The following ASTN2 variants were observed in gnomAD, a reference collection of about 807,000 sequenced individuals.
ASTN2 encodes astrotactin-2.
Under a neutral mutation model 139.8 loss-of-function variants are expected in ASTN2, and 54 were observed. The ratio of observed to expected loss-of-function variants is 0.39; its 90% confidence interval spans 0.31 to 0.48. The LOEUF is 0.48. Among genes scored for constraint, ASTN2 ranks in the 20% least tolerant of loss-of-function variants. The pLI, the probability that ASTN2 is intolerant of heterozygous loss-of-function variation, is 0.95. For missense variants in ASTN2, 1,565 were observed against 1,725.1 expected (o/e 0.91, Z 1.64); for synonymous variants, 756 against 719.5 (o/e 1.05, Z -0.81).
chr9:116,551,905 G>C (rs1245059415), intron 19 of ASTN2, among the ~76,000 whole-genome samples: 2 of 152,196 alleles, frequency 1.3e-5, no homozygotes, highest in African/African-American at 2.4e-5. Flanking sequence ...AATTGTAGGG[G>C]AGGTAGAGAA....
At chr9:117,344,523 C>A (rs1187502133) in intron 1 of ASTN2, among the ~76,000 whole-genome samples, 1 of 152,142 alleles carries the variant, frequency 6.6e-6, no homozygotes, top group African/African-American at 2.4e-5. Flanking sequence ...GACAGCAGTG[C>A]CCAGGGTTGC....
chr9:117,244,811 G>A (rs2133080263), intron 2 of ASTN2, among the ~76,000 whole-genome samples: 1 of 151,890 alleles, frequency 6.6e-6, no homozygotes, highest in East Asian at 1.9e-4. Flanking sequence ...AGGGAGGGAG[G>A]AAGGAAAGAT....
intron 3 of ASTN2, among the ~76,000 whole-genome samples, chr9:117,187,135 A>G (rs1831220180): frequency 6.6e-6 from 1 of 152,234 alleles, no homozygotes; most frequent in South Asian, 2.1e-4. Flanking sequence ...TCTCAGAAAA[A>G]GAAAGAAAAA....
Position 116,436,499 on chromosome 9 carries a change from G to C in ASTN2, c.3782+4110C>G, listed in dbSNP as rs10983156. On this transcript the variant is annotated intron_variant, in intron 22 of 22. Coordinates refer to ENST00000313400, the MANE Select transcript of ASTN2 (RefSeq NM_001365068.1). Reference sequence around the variant, plus strand: ...ACTTACAAATGTGAATACGACATAAGGGATCACTAACTATACATAGTTTAC... The same window carrying C: ...ACTTACAAATGTGAATACGACATAACGGATCACTAACTATACATAGTTTAC... 0.013 allele frequency among the ~76,000 whole-genome samples: 1,973 copies of C among 152,210 alleles called. 183 individuals are homozygous for C. In the South Asian group the frequency reaches 0.21, roughly 16 times the overall value.
intron 16 of ASTN2, 121 bp downstream of exon 16, chr9:116,725,650 G>A: frequency 1.0e-6 from 1 of 995,236 alleles, no homozygotes. Context: ...CTTGCCCATG[G>A]TCACACAGCT....
chr9:116,600,318 T>C (rs1369616321), intron 19 of ASTN2, among the ~76,000 whole-genome samples: 3 of 94,376 alleles, frequency 3.2e-5, no homozygotes, highest in Non-Finnish European at 6.1e-5. Flanking sequence ...AATGAGACCC[T>C]GTCTCAAAAA....
intron 19 of ASTN2, among the ~76,000 whole-genome samples, chr9:116,550,790 G>A (rs1001568236): frequency 2.0e-5 from 3 of 152,180 alleles, no homozygotes; most frequent in African/African-American, 7.2e-5. Context: ...GGTGGGTTGG[G>A]ACAAGGTAAA....
chr9:116,656,660 C>T (rs1858230077), intron 16 of ASTN2, among the ~76,000 whole-genome samples: 1 of 136,874 alleles, frequency 7.3e-6, no homozygotes, highest in Admixed American at 7.9e-5. Context: ...CAAATTCCTG[C>T]TGGGTATTAT....
At chr9:116,855,118 GAAATA>G (rs780712733) in intron 11 of ASTN2, among the ~76,000 whole-genome samples, 1 of 151,878 alleles carries the variant, frequency 6.6e-6, no homozygotes, top group South Asian at 2.1e-4. Context: ...AAGTCCCAAC[GAAATA>G]AAATAAGGGG....
chr9:117,402,602 C>T (rs985656570), intron 1 of ASTN2, among the ~76,000 whole-genome samples: 19 of 152,066 alleles, frequency 1.2e-4, no homozygotes, highest in African/African-American at 3.1e-4. Context: ...AAATAAAGGA[C>T]GCTCAGTTCA....
At chr9:117,333,340 G>A (rs1192898336) in intron 1 of ASTN2, among the ~76,000 whole-genome samples, 1 of 152,034 alleles carries the variant, frequency 6.6e-6, no homozygotes, top group Non-Finnish European at 1.5e-5. Flanking sequence ...AAAATAATGT[G>A]TTCTCTTGCA....
At chr9:116,790,970 A>AGAAAGAAG (rs1830521814) in intron 13 of ASTN2, among the ~76,000 whole-genome samples, 1 of 26,744 alleles carries the variant, frequency 3.7e-5, no homozygotes, top group Non-Finnish European at 7.7e-5. Context: ...AAAGAAGGAA[A>AGAAAGAAG]GAAAGAAAGA....
At chr9:117,329,180 CTT>C (rs749880987) in intron 1 of ASTN2, among the ~76,000 whole-genome samples, 22 of 82,548 alleles carry the variant, frequency 2.7e-4, no homozygotes, top group Middle Eastern at 9.8e-3. Context: ...CTTCCAAGTT[CTT>C]TTTTTTTTTT....
intron 13 of ASTN2, among the ~76,000 whole-genome samples, chr9:116,803,510 ATATATATATATATTT>A (rs1242539050): frequency 8.2e-4 from 6 of 7,284 alleles, no homozygotes; most frequent in Non-Finnish European, 1.1e-3. Flanking sequence ...ATATATATAT[ATATATATATATATTT>A]TTTTTTTTTT....
intron 7 of ASTN2, among the ~76,000 whole-genome samples, chr9:116,977,997 G>T (rs1213767283): frequency 3.3e-5 from 5 of 152,110 alleles, no homozygotes; most frequent in Non-Finnish European, 1.5e-5. Context: ...GATTACACGT[G>T]TGAGCCACCA....
chr9:116,734,380 C>T (rs985854301), intron 13 of ASTN2, among the ~76,000 whole-genome samples: 1 of 152,104 alleles, frequency 6.6e-6, no homozygotes, highest in Non-Finnish European at 1.5e-5. Context: ...AGACAATAGA[C>T]CTGCCTAAAA....
chr9:116,988,838 T>C (rs1337719104), intron 7 of ASTN2, among the ~76,000 whole-genome samples: 3 of 152,154 alleles, frequency 2.0e-5, no homozygotes, highest in Non-Finnish European at 4.4e-5. Flanking sequence ...CATGGGATCC[T>C]GGAGCTCTCT....
chr9:116,424,176 A>T lies in ASTN2; in HGVS notation c.*1675T>A, dbSNP rs765479688. ...GTACACTGGAAGCAGTGCAATTACC[A>T]TTTAAAAGGATATTTCAATGATACC... On this transcript the variant is annotated 3_prime_UTR_variant, in exon 23 of 23. Coordinates refer to ENST00000313400, the MANE Select transcript of ASTN2 (RefSeq NM_001365068.1). Among the ~76,000 whole-genome samples the T allele has an allele frequency of 6.6e-6, 1 of 152,136 alleles. No homozygotes were observed. The highest frequency in any genetic ancestry group is 1.5e-5 in the Non-Finnish European group (1 of 68,018).
At chr9:116,561,100 AAGAG>A (rs199644886) in intron 19 of ASTN2, among the ~76,000 whole-genome samples, 1 of 151,940 alleles carries the variant, frequency 6.6e-6, no homozygotes, top group African/African-American at 2.4e-5. Context: ...CCAATGCTTT[AAGAG>A]AGAGAGAGTG....
Sources: allele counts gnomAD v4.1 joint callset (sites outside exome capture counted in the v4.1 genomes callset), GRCh38; gene constraint gnomAD v4.1.1; transcripts MANE v1.5; gene names NCBI Gene and HGNC (gene_info 2026-07-23, HGNC 2026-07-21).